The following SRGAP3 variants were observed in gnomAD, a reference collection of about 807,000 sequenced individuals.
SRGAP3 encodes SLIT-ROBO Rho GTPase-activating protein 3.
Under a neutral mutation model 121.1 loss-of-function variants are expected in SRGAP3, and 39 were observed. The observed-to-expected ratio is 0.32, with a 90% CI of 0.25 to 0.42. The LOEUF is 0.42. SRGAP3 is among the 10% of genes least tolerant of loss of function. The pLI is 1.00. For synonymous variants in SRGAP3, 601 were observed against 570.0 expected, an observed-to-expected ratio of 1.05 and a Z score of -0.77; for missense variants, 1,213 against 1,470.6, an observed-to-expected ratio of 0.82 and a Z score of 2.86.
chr3:9,167,935 T>G (rs1289176558), intron 1 of SRGAP3, among the ~76,000 whole-genome samples: 1 of 152,174 alleles, frequency 6.6e-6, no homozygotes, highest in South Asian at 2.1e-4. Flanking sequence ...TAAATCCACC[T>G]AATGACAAAT....
intron 1 of SRGAP3, among the ~76,000 whole-genome samples, chr3:9,147,874 A>T (rs1179585244): frequency 6.6e-6 from 1 of 152,112 alleles, no homozygotes; most frequent in African/African-American, 2.4e-5. Context: ...CAGGGCTGTG[A>T]TGGGGCCCAG....
At position 9,209,917 on chromosome 3, in the gene SRGAP3, G is replaced by A. The variant is rs529042736; in HGVS notation, c.67+38968C>T. 1.5e-4 allele frequency among the ~76,000 whole-genome samples: 23 copies of A among 152,208 alleles called. No homozygotes were observed. The South Asian group carries it at 2.3e-3, about 15-fold the overall frequency. On this transcript the variant is annotated intron_variant, in intron 1 of 21. Coordinates refer to ENST00000383836, the MANE Select transcript of SRGAP3 (RefSeq NM_014850.4). ...AATGTCTACCAACTGACAAATGTGC[G>A]ATAAACCAAATGTGCTATATCCTAA... is the stretch of plus-strand genomic sequence containing the variant.
At chr3:9,077,323 C>T (rs1395806190) in intron 4 of SRGAP3, among the ~76,000 whole-genome samples, 1 of 152,166 alleles carries the variant, frequency 6.6e-6, no homozygotes, top group Non-Finnish European at 1.5e-5. Context: ...CATGATCCCC[C>T]ACTGTGCCCT....
At chr3:9,034,322 T>G (rs559447439) in intron 11 of SRGAP3, 2 of 152,196 alleles carry the variant, frequency 1.3e-5, no homozygotes, top group Non-Finnish European at 2.9e-5. Context: ...ACAGATAATG[T>G]CCACACATGA....
In SRGAP3 at chr3:9,279,062, C is replaced by T. The variant is rs1954632356; in HGVS notation, n.442+46948G>A. 2.6e-5 allele frequency among the ~76,000 whole-genome samples: 4 copies of T among 151,988 alleles called. No homozygotes were observed. In the South Asian group the frequency reaches 8.3e-4, roughly 32 times the overall value. On this transcript the variant is annotated intron_variant and non_coding_transcript_variant, in intron 3 of 3. Transcript: ENST00000490889. ...GCTGAGACACAAGAATCGCTTGAGC[C>T]TGGGAGGCCAAGACTGCGCCATTGC...
At chr3:9,306,448 T>C (rs1282584742) in intron 3 of SRGAP3, among the ~76,000 whole-genome samples, 1 of 152,244 alleles carries the variant, frequency 6.6e-6, no homozygotes, top group East Asian at 1.9e-4. Context: ...TTGGCTTTTG[T>C]TGCCCTTGCT....
At chr3:9,300,186 T>C (rs76051264) in intron 3 of SRGAP3, among the ~76,000 whole-genome samples, 3 of 108 alleles carry the variant, frequency 0.028, no homozygotes, top group Non-Finnish European at 0.053. Context: ...ATCACCACCA[T>C]CATCACCACC....
intron 1 of SRGAP3, among the ~76,000 whole-genome samples, chr3:9,195,782 G>A (rs1034936346): frequency 4.6e-5 from 7 of 151,740 alleles, no homozygotes; most frequent in African/African-American, 1.2e-4. Flanking sequence ...ACAGCAAGAC[G>A]CCATCTCTAC....
chr3:9,052,890 T>G, intron 9 of SRGAP3, 137 bp downstream of exon 9: 1 of 1,066,232 alleles, frequency 9.4e-7, no homozygotes, highest in Non-Finnish European at 1.4e-6. Context: ...AACTTAATTT[T>G]AAAAGCATGG....
At chr3:9,172,949 G>A (rs761236817) in intron 1 of SRGAP3, among the ~76,000 whole-genome samples, 1 of 152,246 alleles carries the variant, frequency 6.6e-6, no homozygotes, top group African/African-American at 2.4e-5. Context: ...GAAGGCCAGA[G>A]GGAGAAGTAA....
At chr3:9,037,742 T>A (rs969878725) in intron 11 of SRGAP3, 2 of 444,244 alleles carry the variant, frequency 4.5e-6, no homozygotes, top group Non-Finnish European at 8.2e-6. Flanking sequence ...CTCTGGCCCC[T>A]ACAGGCTGCC....
intron 2 of SRGAP3, among the ~76,000 whole-genome samples, chr3:9,119,523 C>T (rs1171411196): frequency 2.0e-5 from 3 of 152,242 alleles, no homozygotes; most frequent in African/African-American, 7.2e-5. Flanking sequence ...TTCCTCCAGA[C>T]ACCTTCCTGA....
chr3:9,348,531 T>C, intron 1 of SRGAP3: 1 of 759,432 alleles, frequency 1.3e-6, no homozygotes. Flanking sequence ...AACACCGACC[T>C]GAGCCCAGCG....
intron 14 of SRGAP3, among the ~76,000 whole-genome samples, chr3:9,022,849 A>G (rs1559935295): frequency 6.6e-6 from 1 of 152,190 alleles, no homozygotes; most frequent in African/African-American, 2.4e-5. Flanking sequence ...AAGAAAAAGG[A>G]AAAAATATTT....
chr3:9,088,440 C>A (rs1341667987), intron 3 of SRGAP3, among the ~76,000 whole-genome samples: 1 of 152,172 alleles, frequency 6.6e-6, no homozygotes, highest in African/African-American at 2.4e-5. Context: ...GTTCCTTTGC[C>A]TCTTTGCCTG....
chr3:9,047,595 C>A (rs1945354328), intron 9 of SRGAP3, 120 bp from the exon 10 acceptor site: 1 of 938,696 alleles, frequency 1.1e-6, no homozygotes, highest in South Asian at 1.4e-5. Flanking sequence ...CCGCAGGGAC[C>A]CCGGCGCAGG....
At chr3:9,334,680 T>C (rs1282416948) in intron 1 of SRGAP3, among the ~76,000 whole-genome samples, 2 of 151,836 alleles carry the variant, frequency 1.3e-5, no homozygotes, top group Admixed American at 6.6e-5. Context: ...GTTTACAGAG[T>C]TTGGCCTTGG....
intron 1 of SRGAP3, among the ~76,000 whole-genome samples, chr3:9,220,913 G>C (rs1274140197): frequency 6.6e-6 from 1 of 152,154 alleles, no homozygotes; most frequent in East Asian, 1.9e-4. Flanking sequence ...TGCTAGTCCT[G>C]CTGCTGCCTC....
At chr3:9,344,306 T>C (rs1464262749) in intron 1 of SRGAP3, among the ~76,000 whole-genome samples, 1 of 152,060 alleles carries the variant, frequency 6.6e-6, no homozygotes, top group Non-Finnish European at 1.5e-5. Context: ...AATACAAAAA[T>C]TAGCTGGGCA....
Sources: gnomAD v4.1 joint callset for allele counts (sites outside exome capture counted in the v4.1 genomes callset) on GRCh38, gnomAD v4.1.1 for gene constraint, MANE v1.5 for transcripts, NCBI Gene and HGNC (gene_info 2026-07-23, HGNC 2026-07-21) for gene names.